The following ATP2B2 variants were observed in gnomAD, a reference collection of about 807,000 sequenced individuals.
ATP2B2 encodes plasma membrane calcium-transporting ATPase 2.
Under a neutral mutation model 120.0 loss-of-function variants are expected in ATP2B2, and 15 were observed. That is an observed-to-expected ratio of 0.12 (90% CI 0.08 to 0.19). ATP2B2 has a LOEUF of 0.19. Ranked by LOEUF, ATP2B2 falls within the 10% of genes least tolerant of loss-of-function variation. The probability of loss-of-function intolerance (pLI) is 1.00; values close to 1 mark genes in which losing one functional copy is unlikely to be tolerated. For synonymous variants in ATP2B2, 694 were observed against 700.3 expected, an observed-to-expected ratio of 0.99 and a Z score of 0.14; for missense variants, 1,045 against 1,719.8, an observed-to-expected ratio of 0.61 and a Z score of 6.94.
intron 2 of ATP2B2, among the ~76,000 whole-genome samples, chr3:10,544,233 G>C (rs2067497283): frequency 6.6e-6 from 1 of 152,094 alleles, no homozygotes; most frequent in Non-Finnish European, 1.5e-5. Flanking sequence ...TTCTTAAAGG[G>C]AAAATTTCAT....
At chr3:10,520,283 G>A (rs940658045) in intron 3 of ATP2B2, among the ~76,000 whole-genome samples, 10 of 152,170 alleles carry the variant, frequency 6.6e-5, no homozygotes, top group African/African-American at 2.4e-4. Flanking sequence ...CCCAGGTGTT[G>A]GAGCCAGTGC....
intron 3 of ATP2B2, among the ~76,000 whole-genome samples, chr3:10,522,216 T>C (rs2066997776): frequency 6.6e-6 from 1 of 152,224 alleles, no homozygotes; most frequent in Non-Finnish European, 1.5e-5. Flanking sequence ...GTATGTGTAC[T>C]GCTGTGCCCT....
chr3:10,672,665 A>C (rs1243157522), intron 1 of ATP2B2, among the ~76,000 whole-genome samples: 1 of 152,268 alleles, frequency 6.6e-6, no homozygotes, highest in African/African-American at 2.4e-5. Context: ...GCAGTAATCC[A>C]ACCAGGGTGT....
intron 8 of ATP2B2, 101 bp from the exon 9 acceptor site, chr3:10,379,385 G>A: frequency 1.5e-6 from 2 of 1,345,182 alleles, no homozygotes; most frequent in Non-Finnish European, 2.1e-6. Flanking sequence ...CACAGATGAA[G>A]GGCGGGCCGT....
At chr3:10,605,045 C>T (rs1336273890) in intron 2 of ATP2B2, among the ~76,000 whole-genome samples, 1 of 152,232 alleles carries the variant, frequency 6.6e-6, no homozygotes, top group Non-Finnish European at 1.5e-5. Flanking sequence ...TGTGTCCCCA[C>T]TGTACAGACA....
chr3:10,407,606 T>C (rs910054877), intron 3 of ATP2B2, among the ~76,000 whole-genome samples: 1 of 152,186 alleles, frequency 6.6e-6, no homozygotes, highest in Non-Finnish European at 1.5e-5. Context: ...AGTGGACCTC[T>C]GAGGACTCAA....
chr3:10,573,205 GA>G (rs1333554536), intron 2 of ATP2B2, among the ~76,000 whole-genome samples: 6 of 148,832 alleles, frequency 4.0e-5, no homozygotes, highest in Admixed American at 2.0e-4. Flanking sequence ...TTAATTAAAA[GA>G]AAAAAATACA....
chr3:10,391,993 C>T (rs887972756), intron 5 of ATP2B2, among the ~76,000 whole-genome samples: 1 of 152,142 alleles, frequency 6.6e-6, no homozygotes, highest in Non-Finnish European at 1.5e-5. Context: ...TTGCTCACAA[C>T]CTCCTCCACA....
intron 1 of ATP2B2, among the ~76,000 whole-genome samples, chr3:10,451,585 G>A (rs552673313): frequency 3.3e-4 from 51 of 152,278 alleles, no homozygotes; most frequent in Admixed American, 1.4e-3. Flanking sequence ...CACAAGGGAC[G>A]CTTTTACTCA....
rs775214048 is a variant in ATP2B2 at position 10,324,877 on chromosome 3, G to A, written c.*3937C>T. ...ATGAGAATTAGAAGTGCAGACAACT[G>A]GGCCACACATTCTTTCCCAGCTCCA... On this transcript the variant is annotated 3_prime_UTR_variant, in exon 23 of 23. Coordinates refer to ENST00000360273, the MANE Select transcript of ATP2B2 (RefSeq NM_001001331.4). The A allele has an allele frequency of 6.6e-6, 1 of 152,252 alleles. No individual in the cohort carries two copies. Among genetic ancestry groups the A allele is most frequent in the East Asian group, 1.9e-4 (1 of 5,208 alleles). 9.4% of individuals were successfully genotyped at this position (152,252 alleles called of 1,614,324 possible). A position where few individuals can be genotyped will look rare whatever the true frequency, so the allele number is the denominator to read the frequency against.
intron 2 of ATP2B2, among the ~76,000 whole-genome samples, chr3:10,575,126 G>A (rs559443833): frequency 7.9e-5 from 12 of 152,282 alleles, no homozygotes; most frequent in African/African-American, 2.9e-4. Context: ...CCGCCCGGGG[G>A]AGAAAGCTGA....
In ATP2B2 at chr3:10,488,212, T is replaced by A. The variant is rs1385818989; in HGVS notation, c.-320+17253A>T. On this transcript the variant is annotated intron_variant, in intron 1 of 22. Coordinates refer to ENST00000360273, the MANE Select transcript of ATP2B2 (RefSeq NM_001001331.4). The stretch of plus-strand genomic sequence containing the variant: ...ATCCATCCACCCATCTATCCATCCA[T>A]CCATCCATCCACTCATCCACCTATC... 2.8e-5 allele frequency among the ~76,000 whole-genome samples: 4 copies of A among 142,858 alleles called. No individual in the cohort carries two copies. In the South Asian group the frequency reaches 9.8e-4, roughly 35 times the overall value. 93.7% of individuals were successfully genotyped at this position (142,858 alleles called of 152,430 possible).
chr3:10,548,606 C>G (rs1033446396), intron 2 of ATP2B2, among the ~76,000 whole-genome samples: 4 of 152,206 alleles, frequency 2.6e-5, no homozygotes, highest in African/African-American at 9.7e-5. Flanking sequence ...TACACTAGCT[C>G]CCAGATCCAG....
At chr3:10,430,934 G>A (rs1385442005) in intron 2 of ATP2B2, among the ~76,000 whole-genome samples, 1 of 151,676 alleles carries the variant, frequency 6.6e-6, no homozygotes, top group Non-Finnish European at 1.5e-5. Flanking sequence ...CAGAGTAGGG[G>A]GTGCTATTTC....
chr3:10,360,048 C>CTAG lies in ATP2B2; in HGVS notation c.1734_1735insCTA (p.Leu578dup). 6.2e-7 allele frequency: 1 copy of CTAG among 1,613,326 alleles called. No individual in the cohort carries two copies. Among genetic ancestry groups the CTAG allele is most frequent in the Non-Finnish European group, 8.5e-7 (1 of 1,179,296 alleles). On this transcript the variant is annotated inframe_insertion, in exon 13 of 23. Transcript: ENST00000360273. ...ACGGGCTCGTAGTCCTGCTTCAGGT[C>CTAG]CAGCACGAAGCCCAGCAGGCCGCAC...
rs1229996465 is a variant in ATP2B2 at position 10,343,678 on chromosome 3, C to T, written c.2704-713G>A. Among the ~76,000 whole-genome samples the T allele has an allele frequency of 2.6e-5, 4 of 152,020 alleles. No homozygotes were observed. Among genetic ancestry groups the T allele is most frequent in the Non-Finnish European group, 5.9e-5 (4 of 68,014 alleles). Reference sequence around the variant, plus strand: ...ACGTATCTTGTCCACAGCAGCCAGACTTTGGCCCCTCCACGTTCCCAGAAT... The same window carrying T: ...ACGTATCTTGTCCACAGCAGCCAGATTTTGGCCCCTCCACGTTCCCAGAAT... On this transcript the variant is annotated intron_variant, in intron 18 of 22. Transcript: ENST00000360273. The surrounding 1 kb of genome is among the most constrained non-coding windows in gnomAD (Gnocchi z 4.2).
chr3:10,471,754 T>TA (rs1046010579), intron 1 of ATP2B2, among the ~76,000 whole-genome samples: 1 of 152,132 alleles, frequency 6.6e-6, no homozygotes, highest in East Asian at 1.9e-4. Flanking sequence ...TTGTCCCCCA[T>TA]AAATGTATAC....
In ATP2B2 at chr3:10,392,097, G is replaced by A. The variant is rs553608944; in HGVS notation, c.782-3695C>T. Among the ~76,000 whole-genome samples the A allele has an allele frequency of 6.6e-5, 10 of 152,220 alleles. No individual in the cohort carries two copies. In the East Asian group the frequency reaches 1.9e-3, roughly 29 times the overall value. ...ATCACCTGAAGTCTCCTCTGGGGGT[G>A]CTTCCAGGCCTGGCTCCTCAACCTG... On this transcript the variant is annotated intron_variant, in intron 5 of 22. Coordinates refer to ENST00000360273, the MANE Select transcript of ATP2B2 (RefSeq NM_001001331.4).
At chr3:10,627,589 C>A (rs1319859081) in intron 1 of ATP2B2, among the ~76,000 whole-genome samples, 1 of 152,148 alleles carries the variant, frequency 6.6e-6, no homozygotes, top group Non-Finnish European at 1.5e-5. Flanking sequence ...AGAAAAATGA[C>A]CTCTCCCCCT....
Sources: gnomAD v4.1 joint callset for allele counts (sites outside exome capture counted in the v4.1 genomes callset) on GRCh38, gnomAD v4.1.1 for gene constraint, Gnocchi (gnomAD v3.1) non-coding constraint, MANE v1.5 for transcripts, NCBI Gene and HGNC (gene_info 2026-07-23, HGNC 2026-07-21) for gene names.